The following ADGRG3 variants were observed in gnomAD, a reference collection of about 807,000 sequenced individuals.
ADGRG3 encodes the protein G protein-coupled receptor 97.
In ADGRG3, 39 loss-of-function variants were observed where a neutral mutation model predicts 54.3. The ratio of observed to expected loss-of-function variants is 0.72; its 90% CI spans 0.56 to 0.94. ADGRG3 has a LOEUF of 0.94. Among genes scored for constraint, ADGRG3 ranks in the 40% least tolerant of loss-of-function variants. ADGRG3 has a pLI of 0.00. For synonymous variants in ADGRG3, 312 were observed against 290.0 expected, an observed-to-expected ratio of 1.08 and a Z score of -0.77; for missense variants, 654 against 694.6, an observed-to-expected ratio of 0.94 and a Z score of 0.66.
At chr16:57,680,669 C>A in intron 8 of ADGRG3, 52 bp downstream of exon 8, 2 of 1,255,114 alleles carry the variant, frequency 1.6e-6, no homozygotes, top group Non-Finnish European at 2.3e-6. Flanking sequence ...TCAAGGGAGG[C>A]AGCAGGGCAG....
At chr16:57,678,570 T>A (rs2048306158) in intron 4 of ADGRG3, 1 of 546,432 alleles carries the variant, frequency 1.8e-6, no homozygotes, top group South Asian at 2.2e-5. Context: ...TGTCTATGTG[T>A]CCTGTGGGTG....
chr16:57,682,099 G>C (rs949918469), intron 8 of ADGRG3, among the ~76,000 whole-genome samples: 1 of 152,234 alleles, frequency 6.6e-6, no homozygotes, highest in Admixed American at 6.5e-5. Flanking sequence ...TGACTTATGA[G>C]AGTGGGGACG....
chr16:57,680,978 C>T (rs2048357178), intron 8 of ADGRG3: 1 of 262,110 alleles, frequency 3.8e-6, no homozygotes, highest in Non-Finnish European at 7.7e-6. Context: ...CTACCTCTCA[C>T]AGCTTTGCTC....
intron 10 of ADGRG3, 21 bp downstream of exon 10, chr16:57,684,504 CA>C (rs777922774): frequency 6.4e-7 from 1 of 1,569,270 alleles, no homozygotes; most frequent in East Asian, 2.2e-5. Flanking sequence ...GCTGTGGGAG[CA>C]GGGGTGATGC....
intron 1 of ADGRG3, among the ~76,000 whole-genome samples, chr16:57,671,234 T>C (rs997515605): frequency 1.4e-4 from 21 of 152,132 alleles, no homozygotes; most frequent in African/African-American, 4.6e-4. Context: ...TCTTATCCAC[T>C]TTGAGTGAGA....
At chr16:57,681,584 G>T (rs756070418) in intron 8 of ADGRG3, among the ~76,000 whole-genome samples, 3 of 151,970 alleles carry the variant, frequency 2.0e-5, no homozygotes, top group African/African-American at 4.8e-5. Flanking sequence ...AAGTTAGCTG[G>T]GCGTGGTGGT....
chr16:57,684,407 G>A lies in ADGRG3; in HGVS notation c.1180G>A (p.Val394Ile). The A allele has an allele frequency of 6.2e-7, 1 of 1,613,924 alleles. No homozygotes were observed. The highest frequency in any genetic ancestry group is 1.3e-5 in the African/African-American group (1 of 75,002). ...LVGWGLPALM[V>I]IGTGSANSYG... ...GTGCCCAGGCCTGCCCGCCCTGATG[G>A]TCATCGGCACTGGGAGTGCCAACAG... Residue 394 changes from valine to isoleucine, a missense_variant, in exon 10 of 12, where the codon GTC (valine) becomes ATC (isoleucine). By Grantham distance (29) the Val-to-Ile change is conservative (BLOSUM62 3). Transcript: ENST00000333493.
chr16:57,679,751 C>A (rs539210844), intron 5 of ADGRG3, 65 bp from the exon 6 acceptor site: 1 of 1,315,684 alleles, frequency 7.6e-7, no homozygotes, highest in African/African-American at 1.4e-5. Context: ...ACCGTCCTCC[C>A]GCTTCCCCTG....
At chr16:57,671,332 G>GTTTTT (rs60592653) in intron 1 of ADGRG3, among the ~76,000 whole-genome samples, 12 of 86,358 alleles carry the variant, frequency 1.4e-4, no homozygotes, top group Non-Finnish European at 1.7e-4. Flanking sequence ...TAGAATAGGA[G>GTTTTT]TTTTTTTTTT....
chr16:57,679,246 C>A lies in ADGRG3; in HGVS notation c.562C>A (p.Gln188Lys). 1 of 1,614,026 alleles carries A rather than the reference C, an allele frequency of 6.2e-7. No homozygotes were observed. The highest frequency in any genetic ancestry group is 1.1e-5 in the South Asian group (1 of 91,084). The change falls in exon 5 of 12, where the codon CAA (glutamine) becomes AAA (lysine). Residue 188 changes from glutamine (Q) to lysine (K), a missense_variant. Physicochemically the swap from Gln to Lys is moderately conservative, Grantham distance 53 (BLOSUM62 1). Transcript: ENST00000333493. ...NNRLVGLSVG[Q>K]MHVTKLAEPL... ...TCGCCTGGTGGGTTTGAGTGTGGGA[C>A]AAATGCATGTCACCAAGCTGGCTGA... is the stretch of plus-strand genomic sequence containing the variant.
chr16:57,676,401 A>T (rs2048264870), intron 3 of ADGRG3, 63 bp downstream of exon 3: 1 of 1,505,238 alleles, frequency 6.6e-7, no homozygotes, highest in Non-Finnish European at 9.2e-7. Context: ...GTATATTTCA[A>T]AACTCTAAGA....
chr16:57,680,007 C>T (rs1279334105), intron 6 of ADGRG3, 152 bp downstream of exon 6: 1 of 409,892 alleles, frequency 2.4e-6, no homozygotes, highest in Non-Finnish European at 4.5e-6. Context: ...CCCTCCCTTC[C>T]CCTCCCCTCC....
At chr16:57,676,080 G>C in intron 2 of ADGRG3, 120 bp from the exon 3 acceptor site, 2 of 899,700 alleles carry the variant, frequency 2.2e-6, no homozygotes, top group South Asian at 1.7e-5. Context: ...TCTTCCTCCT[G>C]TCCTGATCCC....
At chr16:57,682,189 C>T (rs1026552242) in intron 8 of ADGRG3, among the ~76,000 whole-genome samples, 1 of 152,234 alleles carries the variant, frequency 6.6e-6, no homozygotes. Context: ...GCAGAGAGCA[C>T]TGCAGCCTGG....
chr16:57,683,885 C>T (rs1335829513), intron 8 of ADGRG3, 47 bp from the exon 9 acceptor site: 3 of 1,501,582 alleles, frequency 2.0e-6, no homozygotes, highest in East Asian at 4.6e-5. Flanking sequence ...CATGGGAGCT[C>T]CCCATGGGAG....
In ADGRG3 at chr16:57,679,229, T is replaced by G; in HGVS notation, c.545T>G (p.Val182Gly). 6.2e-7 allele frequency: 1 copy of G among 1,613,926 alleles called. No individual in the cohort carries two copies. The highest frequency in any genetic ancestry group is 2.2e-5 in the East Asian group (1 of 44,876). ...AGCGGCGTGTTGAACAATCGCCTGGTGGGTTTGAGTGTGGGACAAATGCAT... is the reference window on the plus strand; with the variant it reads ...AGCGGCGTGTTGAACAATCGCCTGGGGGGTTTGAGTGTGGGACAAATGCAT... ...DGSGVLNNRLVGLSVGQMHVT... is the reference protein window; with the variant it reads ...DGSGVLNNRLGGLSVGQMHVT... The change falls in exon 5 of 12, where the codon GTG becomes GGG. Residue 182 changes from valine to glycine, a missense_variant. Transcript: ENST00000333493.
intron 8 of ADGRG3, among the ~76,000 whole-genome samples, chr16:57,681,940 A>G (rs1292921328): frequency 6.6e-6 from 1 of 152,162 alleles, no homozygotes; most frequent in African/African-American, 2.4e-5. Context: ...TATCCCGTGT[A>G]TACACCAGAG....
intron 11 of ADGRG3, among the ~76,000 whole-genome samples, 172 bp from the exon 12 acceptor site, chr16:57,688,180 T>A (rs1268143265): frequency 1.3e-5 from 2 of 152,194 alleles, no homozygotes; most frequent in Admixed American, 6.5e-5. Flanking sequence ...TTCGATTTGG[T>A]TCTTTTTTAT....
intron 11 of ADGRG3, 95 bp from the exon 12 acceptor site, chr16:57,688,257 G>A (rs898211072): frequency 1.1e-4 from 90 of 793,276 alleles, no homozygotes; most frequent in Admixed American, 2.2e-4. Context: ...GAGTGGTTAC[G>A]GTGGGTCTCC....
Sources: gnomAD v4.1 joint callset for allele counts (sites outside exome capture counted in the v4.1 genomes callset) on GRCh38, gnomAD v4.1.1 for gene constraint, MANE v1.5 for transcripts, NCBI Gene and HGNC (gene_info 2026-07-23, HGNC 2026-07-21) for gene names.